The following TMC4 variants were observed in gnomAD, a reference collection of about 807,000 sequenced individuals.
TMC4 encodes the protein transmembrane channel like 4.
A neutral mutation model predicts 82.0 loss-of-function variants in TMC4; 70 were observed. That is an observed-to-expected ratio of 0.85 (90% CI 0.70 to 1.04). The LOEUF (loss-of-function observed/expected upper bound fraction) is 1.04. Ranked by LOEUF, TMC4 falls within the 50% of genes least tolerant of loss-of-function variation. TMC4 has a pLI of 0.00. For synonymous variants in TMC4, 446 were observed against 406.0 expected (o/e 1.10, Z -1.18); for missense variants, 879 against 899.0 (o/e 0.98, Z 0.28).
intron 13 of TMC4, 36 bp from the exon 14 acceptor site, chr19:54,160,581 G>A (rs1394844677): frequency 1.2e-6 from 2 of 1,613,788 alleles, no homozygotes; most frequent in South Asian, 1.1e-5. Flanking sequence ...CTCCTGACAC[G>A]CTCTTCCATT....
intron 3 of TMC4, 84 bp downstream of exon 3, chr19:54,169,428 C>T: frequency 6.7e-7 from 1 of 1,500,072 alleles, no homozygotes; most frequent in Non-Finnish European, 8.9e-7. Flanking sequence ...TCCCTCAAAC[C>T]CAGGAGTCCG....
At chr19:54,163,960 CTCTTCT>C (rs750800579) in intron 7 of TMC4, 73 bp from the exon 8 acceptor site, 13 of 1,404,334 alleles carry the variant, frequency 9.3e-6, no homozygotes, top group African/African-American at 1.6e-5. Flanking sequence ...TCCCCCCGGC[CTCTTCT>C]TCTTCTTCTT....
chr19:54,160,860 A>C lies in TMC4; in HGVS notation c.1973+18T>G, dbSNP rs757786462. 1 of 1,612,628 alleles carries C rather than the reference A, an allele frequency of 6.2e-7. No homozygotes were observed. On this transcript the variant is annotated intron_variant, in intron 13 of 14. Coordinates refer to ENST00000619895, the MANE Select transcript of TMC4 (RefSeq NM_144686.4). ...CACACGCATTCAAACCCAGACCCAGAAGTCTGGGCCGTCTCACCTGGAGAT... is the reference window on the plus strand; with the variant it reads ...CACACGCATTCAAACCCAGACCCAGCAGTCTGGGCCGTCTCACCTGGAGAT...
chr19:54,162,879 CT>C, intron 9 of TMC4, 109 bp from the exon 10 acceptor site: 5 of 1,515,294 alleles, frequency 3.3e-6, no homozygotes, highest in Non-Finnish European at 4.5e-6. Flanking sequence ...AATACTTTCT[CT>C]GGGGGTCCTC....
intron 6 of TMC4, 94 bp downstream of exon 6, chr19:54,165,325 C>T (rs545402236): frequency 1.8e-4 from 244 of 1,352,808 alleles, no homozygotes; most frequent in Non-Finnish European, 2.4e-4. Context: ...AGCATCTCTC[C>T]GGAGGCCCCA....
chr19:54,163,249 A>T, intron 8 of TMC4, 90 bp from the exon 9 acceptor site: 6 of 1,495,198 alleles, frequency 4.0e-6, no homozygotes, highest in Non-Finnish European at 5.5e-6. Flanking sequence ...CATTCAACCC[A>T]TCTCACAGAT....
intron 2 of TMC4, among the ~76,000 whole-genome samples, chr19:54,171,112 T>C (rs1304442237): frequency 3.7e-5 from 1 of 26,918 alleles, no homozygotes; most frequent in Non-Finnish European, 7.3e-5. Context: ...TGCATATATA[T>C]ACGCATATAT....
intron 2 of TMC4, among the ~76,000 whole-genome samples, chr19:54,170,333 C>G (rs1309599705): frequency 8.5e-6 from 1 of 117,536 alleles, no homozygotes; most frequent in Non-Finnish European, 1.8e-5. Flanking sequence ...AAGACTCTGT[C>G]AAAAAAAAAA....
intron 5 of TMC4, among the ~76,000 whole-genome samples, chr19:54,167,064 G>T (rs1167574360): frequency 6.6e-6 from 1 of 152,066 alleles, no homozygotes; most frequent in Non-Finnish European, 1.5e-5. Flanking sequence ...TTTGAGCGCA[G>T]CCTGGGCAAC....
At chr19:54,163,974 C>CTTTT (rs1306733122) in intron 7 of TMC4, 87 bp from the exon 8 acceptor site, 3 of 1,080,256 alleles carry the variant, frequency 2.8e-6, no homozygotes, top group Admixed American at 3.3e-5. Context: ...TCTTCTTCTT[C>CTTTT]TTCTTTTTTT....
chr19:54,163,924 TC>T (rs751734180), intron 7 of TMC4, 37 bp from the exon 8 acceptor site: 52 of 1,605,098 alleles, frequency 3.2e-5, no homozygotes, highest in Non-Finnish European at 4.2e-5. Context: ...AGGCTTGGGG[TC>T]CTGGAGGAGC....
chr19:54,171,412 A>C (rs2075884690), intron 2 of TMC4, among the ~76,000 whole-genome samples: 1 of 152,182 alleles, frequency 6.6e-6, no homozygotes, highest in Non-Finnish European at 1.5e-5. Flanking sequence ...ATGGGCCCAT[A>C]ATCATTTTTG....
At chr19:54,160,592 A>G in intron 13 of TMC4, 47 bp from the exon 14 acceptor site, 1 of 1,613,310 alleles carries the variant, frequency 6.2e-7, no homozygotes, top group Non-Finnish European at 8.5e-7. Flanking sequence ...CTCTTCCATT[A>G]TATCCAAACG....
intron 3 of TMC4, 111 bp downstream of exon 3, chr19:54,169,401 C>T: frequency 1.4e-6 from 2 of 1,421,708 alleles, no homozygotes. Flanking sequence ...CCCAAAAATC[C>T]AGGCCCAAGC....
chr19:54,169,647 T>C lies in TMC4; in HGVS notation c.307A>G (p.Ser103Gly), dbSNP rs1361165574. Residue 103 changes from serine (S) to glycine (G), a missense_variant, in exon 3 of 15, where the codon AGC becomes GGC. Transcript: ENST00000619895. ...GAGCCATAGACCACCTGGTCCCTGC[T>C]GGCATTTCTTTGCCTGGGAGGGAAA... is the stretch of plus-strand genomic sequence containing the variant. The part of the protein sequence containing the change: ...ARRAHRQRNA[S>G]RDQVVYGSGT... The C allele has an allele frequency of 6.2e-7, 1 of 1,613,564 alleles. No individual in the cohort carries two copies. Among genetic ancestry groups the C allele is most frequent in the Non-Finnish European group, 8.5e-7 (1 of 1,179,886 alleles).
chr19:54,160,304 G>T lies in TMC4; in HGVS notation c.*2C>A. 2.0e-6 allele frequency: 3 copies of T among 1,516,436 alleles called. No homozygotes were observed. Among genetic ancestry groups the T allele is most frequent in the Middle Eastern group, 4.7e-4 (2 of 4,292 alleles). The allele number at this position is 1,516,436 out of a possible 1,614,324, so 93.9% of individuals were successfully genotyped here. A position where few individuals can be genotyped will look rare whatever the true frequency, so the allele number is the denominator to read the frequency against. On this transcript the variant is annotated 3_prime_UTR_variant, in exon 15 of 15. Coordinates refer to ENST00000619895, the MANE Select transcript of TMC4 (RefSeq NM_144686.4). ...CTGAAAGCGGGACGTGGGCTGCGGG[G>T]GTCAAAGAGCCGGTTTGGTGGAGGT...
chr19:54,163,308 C>CTTTTTTT (rs35587690), intron 8 of TMC4, 149 bp from the exon 9 acceptor site: 16 of 593,594 alleles, frequency 2.7e-5, no homozygotes, highest in East Asian at 1.5e-4. Flanking sequence ...TTCTTTCTTT[C>CTTTTTTT]TTTTTTTTTT....
chr19:54,164,430 G>A lies in TMC4; in HGVS notation c.1113+4C>T, dbSNP rs560630390. The A allele has an allele frequency of 8.7e-6, 14 of 1,608,120 alleles. No individual in the cohort carries two copies. The Admixed American group carries it at 2.3e-4, about 27-fold the overall frequency. ...CTGGCTTCCTCTTCCAAGACCGTCC[G>A]CACCTGCAGCTCCACGGTGCACCCC... On this transcript the variant is annotated splice_donor_region_variant and intron_variant, in intron 7 of 14. Transcript: ENST00000619895.
At position 54,168,253 on chromosome 19, in the gene TMC4, G is replaced by T. The variant is rs1006404137; in HGVS notation, c.715C>A (p.Pro239Thr). 8 of 1,563,092 alleles carry T rather than the reference G, an allele frequency of 5.1e-6. No homozygotes were observed. Among genetic ancestry groups the T allele is most frequent in the Non-Finnish European group, 6.9e-6 (8 of 1,153,226 alleles). The change falls in exon 5 of 15, where the codon CCG (proline) becomes ACG (threonine). Residue 239 changes from proline (P) to threonine (T), a missense_variant. Physicochemically the swap from Pro to Thr is conservative, Grantham distance 38. Transcript: ENST00000619895. ...EWSPLFYGFY[P>T]PRPRLAVTYL... ...GTGACCGCCAGGCGTGGGCGGGGCGGGTAGAAGCCATAGAAGAGAGGGGAC... is the reference window on the plus strand; with the variant it reads ...GTGACCGCCAGGCGTGGGCGGGGCGTGTAGAAGCCATAGAAGAGAGGGGAC...
Sources: allele counts gnomAD v4.1 joint callset (sites outside exome capture counted in the v4.1 genomes callset), GRCh38; gene constraint gnomAD v4.1.1; transcripts MANE v1.5; gene names NCBI Gene and HGNC (gene_info 2026-07-23, HGNC 2026-07-21).